The following MET variants were observed in gnomAD, a reference collection of about 807,000 sequenced individuals.
MET encodes the protein MET proto-oncogene, receptor tyrosine kinase.
In MET, 48 loss-of-function variants were observed where a neutral mutation model predicts 133.1. That is an observed-to-expected ratio of 0.36 (90% CI 0.29 to 0.46). The LOEUF (loss-of-function observed/expected upper bound fraction) is 0.46, where lower values mean the gene tolerates loss of function less well. Ranked by LOEUF, MET falls within the 20% of genes least tolerant of loss-of-function variation. The pLI is 1.00. For missense variants in MET, 1,442 were observed against 1,695.9 expected, an observed-to-expected ratio of 0.85 and a Z score of 2.63; for synonymous variants, 628 against 616.5, an observed-to-expected ratio of 1.02 and a Z score of -0.28.
intron 2 of MET, among the ~76,000 whole-genome samples, chr7:116,704,918 A>C (rs1172272386): frequency 6.6e-6 from 1 of 152,082 alleles, no homozygotes; most frequent in Non-Finnish European, 1.5e-5. Flanking sequence ...TTTAAATATC[A>C]TTTATACTCA....
At chr7:116,792,739 C>A (rs753877026) in intron 19 of MET, among the ~76,000 whole-genome samples, 4 of 152,164 alleles carry the variant, frequency 2.6e-5, no homozygotes, top group Non-Finnish European at 4.4e-5. Flanking sequence ...TACCCAACTC[C>A]ATCCCCCTTT....
In MET at chr7:116,721,743, T is replaced by C. The variant is rs1193621896; in HGVS notation, c.1201-9925T>C. Among the ~76,000 whole-genome samples, 5 of 151,922 alleles carry C rather than the reference T, an allele frequency of 3.3e-5. No homozygotes were observed. In the East Asian group the frequency reaches 7.8e-4, roughly 24 times the overall value. Reference sequence around the variant, plus strand: ...ATTTCTGCCTTCATTTCGTTATGTATCCAGTAGTCATTCAGGAGCAGGTTG... The same window carrying C: ...ATTTCTGCCTTCATTTCGTTATGTACCCAGTAGTCATTCAGGAGCAGGTTG... On this transcript the variant is annotated intron_variant, in intron 2 of 20. Coordinates refer to ENST00000397752, the MANE Select transcript of MET (RefSeq NM_000245.4).
At chr7:116,778,687 T>C in intron 16 of MET, 89 bp from the exon 17 acceptor site, 1 of 1,343,312 alleles carries the variant, frequency 7.4e-7, no homozygotes, top group Non-Finnish European at 1.1e-6. Flanking sequence ...CTGTGTGGTT[T>C]ACCATTTCAT....
intron 2 of MET, among the ~76,000 whole-genome samples, chr7:116,713,394 C>CAA (rs749848531): frequency 3.1e-4 from 24 of 77,586 alleles, no homozygotes; most frequent in African/African-American, 5.4e-4. Flanking sequence ...GACTCCGTCT[C>CAA]AAAAAAAAAA....
intron 16 of MET, among the ~76,000 whole-genome samples, chr7:116,778,383 C>T (rs539233340): frequency 2.6e-5 from 4 of 152,360 alleles, no homozygotes; most frequent in African/African-American, 9.6e-5. Context: ...AGATACTTTA[C>T]TGTCACAATT....
In MET at chr7:116,770,100, C is replaced by T. The variant is rs1268280839; in HGVS notation, c.2730+309C>T. Among the ~76,000 whole-genome samples the T allele has an allele frequency of 2.0e-5, 3 of 152,162 alleles. 1 individual carries two copies. Among genetic ancestry groups the T allele is most frequent in the African/African-American group, 7.2e-5 (3 of 41,440 alleles). ...TGCATCCAAGAGTGTCCTTCTACTG[C>T]CTCCCACCACCCCAGGAGGCCAGAG... On this transcript the variant is annotated intron_variant, in intron 12 of 20. Transcript: ENST00000397752.
At chr7:116,712,146 A>G (rs1377333532) in intron 2 of MET, among the ~76,000 whole-genome samples, 2 of 152,132 alleles carry the variant, frequency 1.3e-5, no homozygotes, top group Non-Finnish European at 2.9e-5. Flanking sequence ...CTGCCTTAAC[A>G]CGTGTAGCTT....
intron 2 of MET, among the ~76,000 whole-genome samples, chr7:116,710,461 C>T (rs1419913735): frequency 6.6e-6 from 1 of 152,084 alleles, no homozygotes; most frequent in African/African-American, 2.4e-5. Flanking sequence ...CTTTTTAAAA[C>T]CAAATGCTTA....
At chr7:116,791,390 A>T (rs1646455636) in intron 19 of MET, among the ~76,000 whole-genome samples, 1 of 152,086 alleles carries the variant, frequency 6.6e-6, no homozygotes, top group Non-Finnish European at 1.5e-5. Context: ...ATTGTTAGTC[A>T]TTCTAATTGG....
At chr7:116,702,360 A>G (rs1007640573) in intron 2 of MET, among the ~76,000 whole-genome samples, 1 of 151,994 alleles carries the variant, frequency 6.6e-6, no homozygotes, top group African/African-American at 2.4e-5. Context: ...TACAAAGATC[A>G]AAATTCTTCT....
intron 2 of MET, among the ~76,000 whole-genome samples, chr7:116,721,225 G>A (rs1417900862): frequency 6.6e-6 from 1 of 152,210 alleles, no homozygotes; most frequent in Non-Finnish European, 1.5e-5. Flanking sequence ...GAGAGTGTAT[G>A]TGTCGAGGAA....
intron 2 of MET, among the ~76,000 whole-genome samples, chr7:116,730,146 G>A (rs1365181482): frequency 6.6e-6 from 1 of 152,204 alleles, no homozygotes; most frequent in Non-Finnish European, 1.5e-5. Flanking sequence ...CTGAAGAAAT[G>A]GTGATAAGCT....
At chr7:116,773,497 C>T (rs1313449372) in intron 14 of MET, among the ~76,000 whole-genome samples, 1 of 152,134 alleles carries the variant, frequency 6.6e-6, no homozygotes, top group Non-Finnish European at 1.5e-5. Flanking sequence ...CATTTAGAGC[C>T]CTGATCTCCA....
chr7:116,706,297 GTAGT>G (rs1791789257), intron 2 of MET, among the ~76,000 whole-genome samples: 1 of 152,008 alleles, frequency 6.6e-6, no homozygotes, highest in African/African-American at 2.4e-5. Context: ...TCTTATTTAG[GTAGT>G]TGATTTCTAC....
Position 116,715,948 on chromosome 7 carries a change from A to T in MET, c.1200+15664A>T, listed in dbSNP as rs552321692. Among the ~76,000 whole-genome samples, 3 of 152,288 alleles carry T rather than the reference A, an allele frequency of 2.0e-5. No individual in the cohort carries two copies. The South Asian group carries it at 6.2e-4, about 32-fold the overall frequency. On this transcript the variant is annotated intron_variant, in intron 2 of 20. Coordinates refer to ENST00000397752, the MANE Select transcript of MET (RefSeq NM_000245.4). ...CATGTAGGCAATTTCCTTTAATTCA[A>T]TAGAAGAGAGTATAAGAATCAGCCA...
chr7:116,785,304 C>A (rs1250717856), intron 19 of MET, among the ~76,000 whole-genome samples: 2 of 152,316 alleles, frequency 1.3e-5, no homozygotes, highest in South Asian at 2.1e-4. Flanking sequence ...CACAGCCCCA[C>A]CTGGCAAAGC....
At chr7:116,737,121 C>T (rs1375517431) in intron 3 of MET, among the ~76,000 whole-genome samples, 4 of 152,334 alleles carry the variant, frequency 2.6e-5, no homozygotes, top group Middle Eastern at 3.4e-3. Flanking sequence ...ACAGCCTCTG[C>T]GCAAAATTCC....
chr7:116,704,735 G>A (rs1791723616), intron 2 of MET, among the ~76,000 whole-genome samples: 2 of 152,094 alleles, frequency 1.3e-5, no homozygotes, highest in Admixed American at 1.3e-4. Context: ...CTGTACTATA[G>A]TCAAGTTAGA....
chr7:116,697,196 CTTTG>C (rs1378626919), intron 1 of MET, among the ~76,000 whole-genome samples: 5 of 152,164 alleles, frequency 3.3e-5, no homozygotes, highest in Non-Finnish European at 7.4e-5. Flanking sequence ...TGCTAATCAT[CTTTG>C]TTTGTCTTTG....
Sources: gnomAD v4.1 joint callset for allele counts (sites outside exome capture counted in the v4.1 genomes callset) on GRCh38, gnomAD v4.1.1 for gene constraint, MANE v1.5 for transcripts, NCBI Gene and HGNC (gene_info 2026-07-23, HGNC 2026-07-21) for gene names.